Variants in MDN1 observed in about 807,000 individuals in gnomAD.
MDN1 encodes the protein midasin.
MDN1 carries 266 observed loss-of-function variants against 669.2 expected under a neutral mutation model. That is an observed-to-expected ratio of 0.40 (90% confidence interval 0.36 to 0.44). The LOEUF (loss-of-function observed/expected upper bound fraction) is 0.44, where lower values mean the gene tolerates loss of function less well. Among genes scored for constraint, MDN1 ranks in the 20% least tolerant of loss-of-function variants. The probability of loss-of-function intolerance (pLI) is 1.00; values close to 1 mark genes in which losing one functional copy is unlikely to be tolerated. For synonymous variants in MDN1, 2,385 were observed against 2,457.1 expected (o/e 0.97, Z 0.87); for missense variants, 5,940 against 6,754.0 (o/e 0.88, Z 4.22).
At chr6:89,798,500 C>G (rs1819734816) in intron 2 of MDN1, among the ~76,000 whole-genome samples, 1 of 148,202 alleles carries the variant, frequency 6.7e-6, no homozygotes, top group Admixed American at 6.7e-5. Flanking sequence ...GAAACTCCAT[C>G]TCAAAAAAAA....
At chr6:89,703,563 T>C (rs1031289447) in intron 53 of MDN1, among the ~76,000 whole-genome samples, 2 of 152,184 alleles carry the variant, frequency 1.3e-5, no homozygotes, top group East Asian at 1.9e-4. Context: ...AGTGGTTCCA[T>C]GAAGTCAAAG....
At chr6:89,710,658 A>G in intron 50 of MDN1, 23 bp downstream of exon 50, 1 of 1,370,960 alleles carries the variant, frequency 7.3e-7, no homozygotes, top group Non-Finnish European at 1.0e-6. Flanking sequence ...CAGTGCTGAG[A>G]GCTAGAAATC....
Position 89,711,694 on chromosome 6 carries a change from C to A in MDN1, c.7651+342G>T, listed in dbSNP as rs2128311831. On this transcript the variant is annotated intron_variant, in intron 49 of 101. Transcript: ENST00000369393. ...GAAATGCATTTATCAAAACTAATAC[C>A]TTTCCCATATAGAATGGTTCTGTAG... Among the ~76,000 whole-genome samples the A allele has an allele frequency of 1.3e-5, 2 of 152,256 alleles. 1 individual carries two copies. The highest frequency in any genetic ancestry group is 4.1e-4 in the South Asian group (2 of 4,826).
chr6:89,660,695 T>C (rs1809680784), intron 88 of MDN1, among the ~76,000 whole-genome samples: 1 of 151,990 alleles, frequency 6.6e-6, no homozygotes, highest in South Asian at 2.1e-4. Flanking sequence ...TGGCACCTCT[T>C]ATTTATTCCT....
At chr6:89,811,706 A>G (rs996230113) in intron 1 of MDN1, among the ~76,000 whole-genome samples, 2 of 151,944 alleles carry the variant, frequency 1.3e-5, no homozygotes, top group African/African-American at 4.8e-5. Context: ...AGCCTCCCAA[A>G]GTGCTGGGAT....
chr6:89,719,292 G>C, intron 40 of MDN1, 67 bp from the exon 41 acceptor site: 3 of 1,306,586 alleles, frequency 2.3e-6, no homozygotes, highest in Non-Finnish European at 3.3e-6. Context: ...AAACTTTCTA[G>C]AAAACAAGCA....
At position 89,767,190 on chromosome 6, in the gene MDN1, C is replaced by A. The variant is rs539010686; in HGVS notation, c.2144+4371G>T. On this transcript the variant is annotated intron_variant, in intron 15 of 101. Coordinates refer to ENST00000369393, the MANE Select transcript of MDN1 (RefSeq NM_014611.3). ...GCAACTCTTCAAATTTATGTCTCTACCTACAGGTAATGTGAGGGTCTACAT... is the reference window on the plus strand; with the variant it reads ...GCAACTCTTCAAATTTATGTCTCTAACTACAGGTAATGTGAGGGTCTACAT... 3.3e-5 allele frequency among the ~76,000 whole-genome samples: 5 copies of A among 152,236 alleles called. 1 individual carries two copies. Among genetic ancestry groups the A allele is most frequent in the African/African-American group, 1.2e-4 (5 of 41,528 alleles).
chr6:89,683,087 T>C (rs1036264949), intron 73 of MDN1, 45 bp downstream of exon 73: 14 of 1,593,262 alleles, frequency 8.8e-6, no homozygotes, highest in Non-Finnish European at 1.1e-5. Context: ...CAGATCCCAC[T>C]TGACTGGCTT....
In MDN1 at chr6:89,710,722, G is replaced by A. The variant is rs1479872917; in HGVS notation, c.7724C>T (p.Ala2575Val). ...RNFYSHSLSG[A>V]VSNVFKILQP... ...TAATATTTTGAAAACATTACTGACT[G>A]CACCTGAGAGGGAATGTGAGTAAAA... Residue 2575 changes from alanine to valine, a missense_variant, in exon 50 of 102, where the codon GCA becomes GTA. Transcript: ENST00000369393. 1.2e-6 allele frequency: 2 copies of A among 1,601,220 alleles called. No homozygotes were observed. The highest frequency in any genetic ancestry group is 1.7e-6 in the Non-Finnish European group (2 of 1,175,238).
intron 27 of MDN1, among the ~76,000 whole-genome samples, chr6:89,746,611 A>G (rs28636600): frequency 1.1e-3 from 43 of 40,542 alleles, no homozygotes; most frequent in Non-Finnish European, 1.3e-3. Context: ...AAAAAAAAAA[A>G]AAAGAAAGAA....
At chr6:89,690,434 G>A (rs1037647201) in intron 64 of MDN1, among the ~76,000 whole-genome samples, 1 of 151,900 alleles carries the variant, frequency 6.6e-6, no homozygotes, top group Non-Finnish European at 1.5e-5. Context: ...GGCAGGGTGT[G>A]GTAGCATGCA....
Position 89,708,618 on chromosome 6 carries a change from C to A in MDN1, c.7776G>T (p.Val2592=). The change falls in exon 51 of 102, where the codon GTG becomes GTT. Residue 2592 remains valine, a synonymous_variant. Transcript: ENST00000369393. ...ILQPNTTDEF[V]IPLDPRWNMQ... ...TATTCCATCGGGGATCCAGAGGGAT[C>A]ACAAATTCATCTAGTTTAAAAACAG... 1 of 1,613,322 alleles carries A rather than the reference C, an allele frequency of 6.2e-7. No homozygotes were observed.
chr6:89,724,234 A>T, intron 38 of MDN1, among the ~76,000 whole-genome samples: 1 of 152,202 alleles, frequency 6.6e-6, no homozygotes, highest in East Asian at 1.9e-4. Flanking sequence ...ACGAGTATTC[A>T]CTATAAAAGT....
At chr6:89,806,799 G>A (rs1190106602) in intron 1 of MDN1, among the ~76,000 whole-genome samples, 1 of 151,216 alleles carries the variant, frequency 6.6e-6, no homozygotes, top group East Asian at 1.9e-4. Context: ...TGCATCTACA[G>A]TCCCAGCTAC....
Position 89,819,709 on chromosome 6 carries a change from C to A in MDN1, c.-102G>T. On this transcript the variant is annotated 5_prime_UTR_variant, in exon 1 of 102. Transcript: ENST00000369393. ...AGTGCCCGAGCAGCCAGCAACTACGCCCGCAGGAAAGGCGTCCTCAGCTCC... is the reference window on the plus strand; with the variant it reads ...AGTGCCCGAGCAGCCAGCAACTACGACCGCAGGAAAGGCGTCCTCAGCTCC... 1.1e-6 allele frequency: 1 copy of A among 944,830 alleles called. No individual in the cohort carries two copies. Among genetic ancestry groups the A allele is most frequent in the Non-Finnish European group, 1.7e-6 (1 of 597,510 alleles). The allele number at this position is 944,830 out of a possible 1,614,324, so 58.5% of individuals were successfully genotyped here.
chr6:89,789,808 T>C lies in MDN1; in HGVS notation c.1202A>G (p.Glu401Gly), dbSNP rs1326260365. The stretch of plus-strand genomic sequence containing the variant: ...GTCTAAGGGGGCATAGTCAATATCC[T>C]CCAGAAGGATCCAGTGGCCCATTGT... ...AATMGHWILL[E>G]DIDYAPLDVV... is the part of the protein sequence containing the mutation. Residue 401 changes from glutamate to glycine, a missense_variant, in exon 7 of 102, where the codon GAG (glutamate) becomes GGG (glycine). Transcript: ENST00000369393. 1 of 1,613,864 alleles carries C rather than the reference T, an allele frequency of 6.2e-7. No individual in the cohort carries two copies.
At chr6:89,760,679 T>G (rs1187652463) in intron 17 of MDN1, among the ~76,000 whole-genome samples, 2 of 152,108 alleles carry the variant, frequency 1.3e-5, no homozygotes, top group African/African-American at 2.4e-5. Context: ...AGAAATAAAT[T>G]TTGTCATTTG....
chr6:89,664,390 A>C, intron 85 of MDN1, 97 bp downstream of exon 85: 2 of 1,488,686 alleles, frequency 1.3e-6, no homozygotes, highest in Non-Finnish European at 1.8e-6. Flanking sequence ...ACTTGTTTCA[A>C]AAGATTATAT....
intron 101 of MDN1, 126 bp downstream of exon 101, chr6:89,644,889 A>C: frequency 9.5e-7 from 1 of 1,048,220 alleles, no homozygotes; most frequent in South Asian, 2.0e-5. Context: ...ATGGTACTTG[A>C]CAGAATACTA....
Sources: gnomAD v4.1 joint callset for allele counts (sites outside exome capture counted in the v4.1 genomes callset) on GRCh38, gnomAD v4.1.1 for gene constraint, MANE v1.5 for transcripts, NCBI Gene and HGNC (gene_info 2026-07-23, HGNC 2026-07-21) for gene names.